The following KCNQ5 variants were observed in gnomAD, a reference collection of about 807,000 sequenced individuals.
The protein encoded by KCNQ5 is potassium voltage-gated channel subfamily KQT member 5.
Under a neutral mutation model 98.2 loss-of-function variants are expected in KCNQ5, and 30 were observed. The observed-to-expected ratio is 0.31, with a 90% CI of 0.23 to 0.41. KCNQ5 has a LOEUF of 0.41. KCNQ5 is among the 10% of genes least tolerant of loss of function. KCNQ5 has a pLI of 1.00. For synonymous variants in KCNQ5, 458 were observed against 449.4 expected, an observed-to-expected ratio of 1.02 and a Z score of -0.24; for missense variants, 835 against 1,182.5, an observed-to-expected ratio of 0.71 and a Z score of 4.31.
At chr6:72,971,074 G>A (rs1021813721) in intron 1 of KCNQ5, among the ~76,000 whole-genome samples, 2 of 152,122 alleles carry the variant, frequency 1.3e-5, no homozygotes, top group African/African-American at 4.8e-5. Flanking sequence ...CCTACAAAAT[G>A]GGAGAAAATT....
At chr6:72,722,970 T>G (rs1420895245) in intron 1 of KCNQ5, among the ~76,000 whole-genome samples, 1 of 150,974 alleles carries the variant, frequency 6.6e-6, no homozygotes, top group Non-Finnish European at 1.5e-5. Flanking sequence ...CCGCCTCAGC[T>G]TCCCAAGCAG....
At chr6:73,158,183 C>A (rs994942889) in intron 10 of KCNQ5, 3 of 301,832 alleles carry the variant, frequency 9.9e-6, no homozygotes, top group South Asian at 3.0e-5. Flanking sequence ...AACGTCCGGG[C>A]GAGCACGGCG....
chr6:72,848,322 A>G (rs1777101958), intron 1 of KCNQ5, among the ~76,000 whole-genome samples: 1 of 151,916 alleles, frequency 6.6e-6, no homozygotes, highest in Admixed American at 6.6e-5. Context: ...ACCTGCATGC[A>G]TTAGCTGTTT....
At chr6:73,055,337 A>G in intron 3 of KCNQ5, 1 of 1,431,280 alleles carries the variant, frequency 7.0e-7, no homozygotes. Context: ...AATAGTGAGG[A>G]CTTGGCGCCT....
At chr6:73,145,721 A>G (rs752877216) in intron 10 of KCNQ5, among the ~76,000 whole-genome samples, 1 of 152,184 alleles carries the variant, frequency 6.6e-6, no homozygotes, top group Non-Finnish European at 1.5e-5. Flanking sequence ...AAAGTTGGGG[A>G]AAAATTTACC....
At chr6:72,772,407 A>G (rs1772945170) in intron 1 of KCNQ5, among the ~76,000 whole-genome samples, 1 of 152,182 alleles carries the variant, frequency 6.6e-6, no homozygotes, top group African/African-American at 2.4e-5. Context: ...AGGTTATAAT[A>G]TTTATATATA....
intron 1 of KCNQ5, among the ~76,000 whole-genome samples, chr6:72,813,307 G>A (rs538975966): frequency 1.3e-5 from 2 of 152,114 alleles, no homozygotes; most frequent in East Asian, 3.9e-4. Flanking sequence ...AGGCCACTTG[G>A]GGAAACATTT....
intron 1 of KCNQ5, among the ~76,000 whole-genome samples, chr6:72,728,483 T>C (rs1285670878): frequency 6.6e-6 from 1 of 152,142 alleles, no homozygotes; most frequent in Admixed American, 6.5e-5. Flanking sequence ...CATTGTCCAC[T>C]TTTTGAACAG....
intron 11 of KCNQ5, among the ~76,000 whole-genome samples, chr6:73,189,959 G>C (rs1765523705): frequency 6.8e-6 from 1 of 147,216 alleles, no homozygotes; most frequent in African/African-American, 2.5e-5. Flanking sequence ...TTGAGCCCAA[G>C]AGTTAGAGCC....
At chr6:73,175,372 A>T (rs1481254408) in intron 11 of KCNQ5, among the ~76,000 whole-genome samples, 4 of 150,128 alleles carry the variant, frequency 2.7e-5, no homozygotes, top group African/African-American at 9.9e-5. Flanking sequence ...CTGGTCTCGA[A>T]CTCTCGACCT....
chr6:72,997,187 G>A (rs921927301), intron 1 of KCNQ5, among the ~76,000 whole-genome samples: 12 of 152,064 alleles, frequency 7.9e-5, no homozygotes, highest in African/African-American at 2.9e-4. Context: ...GTCCTCAAAG[G>A]GAGACTGAAT....
chr6:73,146,203 A>C (rs1191713749), intron 10 of KCNQ5, among the ~76,000 whole-genome samples: 1 of 152,228 alleles, frequency 6.6e-6, no homozygotes, highest in East Asian at 1.9e-4. Flanking sequence ...GATATCTCTG[A>C]ATATGGTTCA....
At chr6:73,111,165 G>T in intron 6 of KCNQ5, 143 bp from the exon 7 acceptor site, 1 of 639,386 alleles carries the variant, frequency 1.6e-6, no homozygotes. Context: ...GATAAATACT[G>T]CTTATTTTAA....
chr6:72,748,153 T>C (rs146877295), intron 1 of KCNQ5, among the ~76,000 whole-genome samples: 137 of 152,204 alleles, frequency 9.0e-4, no homozygotes, highest in African/African-American at 3.2e-3. Flanking sequence ...CTGTCTGTGA[T>C]CTTTTATACA....
intron 1 of KCNQ5, among the ~76,000 whole-genome samples, chr6:72,961,784 T>C (rs1389898056): frequency 6.6e-6 from 1 of 152,050 alleles, no homozygotes; most frequent in Non-Finnish European, 1.5e-5. Context: ...TAATTGTGCA[T>C]GTGGAGAAAA....
At chr6:72,889,062 G>A (rs763640933) in intron 1 of KCNQ5, among the ~76,000 whole-genome samples, 66 of 152,174 alleles carry the variant, frequency 4.3e-4, no homozygotes, top group Non-Finnish European at 7.1e-4. Context: ...AAATAAAAGA[G>A]AGTAAGGGAG....
At chr6:72,835,874 G>A (rs1015249942) in intron 1 of KCNQ5, among the ~76,000 whole-genome samples, 2 of 152,058 alleles carry the variant, frequency 1.3e-5, no homozygotes, top group Non-Finnish European at 2.9e-5. Context: ...CATCTATTGT[G>A]TCTTCATAAT....
At chr6:72,809,247 T>TG (rs1383754240) in intron 1 of KCNQ5, among the ~76,000 whole-genome samples, 1 of 57,432 alleles carries the variant, frequency 1.7e-5, no homozygotes, top group African/African-American at 7.0e-5. Context: ...TGTTGTGGGG[T>TG]GGGGGGAGGG....
chr6:72,936,324 A>T (rs1385532665), intron 1 of KCNQ5, among the ~76,000 whole-genome samples: 1 of 152,144 alleles, frequency 6.6e-6, no homozygotes, highest in Admixed American at 6.5e-5. Context: ...CTTGTGCCTG[A>T]TCTACTTTCC....
Sources: gnomAD v4.1 joint callset for allele counts (sites outside exome capture counted in the v4.1 genomes callset) on GRCh38, gnomAD v4.1.1 for gene constraint, MANE v1.5 for transcripts, NCBI Gene and HGNC (gene_info 2026-07-23, HGNC 2026-07-21) for gene names.